The following TMEM232 variants were observed in gnomAD, a reference collection of about 807,000 sequenced individuals.
The protein encoded by TMEM232 is transmembrane protein 232.
Under a neutral mutation model 78.8 loss-of-function variants are expected in TMEM232, and 80 were observed. That is an observed-to-expected ratio of 1.01 (90% CI 0.85 to 1.22). The LOEUF (loss-of-function observed/expected upper bound fraction) is 1.22. TMEM232 is among the 50% of genes most tolerant of loss of function. The pLI, the probability that TMEM232 is intolerant of heterozygous loss-of-function variation, is 0.00. For synonymous variants in TMEM232, 297 were observed against 254.3 expected (o/e 1.17, Z -1.60); for missense variants, 881 against 742.2 (o/e 1.19, Z -2.17).
At chr5:110,586,568 TCACACACA>T (rs61213708) in intron 10 of TMEM232, among the ~76,000 whole-genome samples, 3 of 148,496 alleles carry the variant, frequency 2.0e-5, no homozygotes, top group East Asian at 2.0e-4. Flanking sequence ...ACACACCCTT[TCACACACA>T]CACACACACA....
At chr5:110,574,347 G>A (rs538835089) in intron 10 of TMEM232, among the ~76,000 whole-genome samples, 1 of 152,228 alleles carries the variant, frequency 6.6e-6, no homozygotes, top group Admixed American at 6.5e-5. Context: ...GAAGCAAAGT[G>A]ATGATAGTTT....
intron 12 of TMEM232, among the ~76,000 whole-genome samples, chr5:110,471,809 C>T (rs937738407): frequency 5.9e-5 from 9 of 151,836 alleles, no homozygotes; most frequent in African/African-American, 1.7e-4. Context: ...AGTTGTTTTT[C>T]AGAAAAGATA....
intron 11 of TMEM232, among the ~76,000 whole-genome samples, chr5:110,531,128 C>T (rs1771400331): frequency 6.6e-6 from 1 of 151,400 alleles, no homozygotes; most frequent in African/African-American, 2.4e-5. Flanking sequence ...AGCTCCCCTA[C>T]TGAGCACCCT....
intron 12 of TMEM232, among the ~76,000 whole-genome samples, chr5:110,515,968 G>A (rs1236698177): frequency 2.0e-5 from 3 of 152,180 alleles, no homozygotes; most frequent in African/African-American, 4.8e-5. Context: ...GGCCGGGCAC[G>A]GTGGCTCACG....
upstream of TMEM232, among the ~76,000 whole-genome samples, chr5:110,729,432 T>C (rs978917122): frequency 6.6e-6 from 1 of 152,186 alleles, no homozygotes; most frequent in African/African-American, 2.4e-5. Flanking sequence ...ACTCGGATGT[T>C]AGACATTTGT....
chr5:110,556,857 CTT>C (rs1775150332), intron 11 of TMEM232, among the ~76,000 whole-genome samples: 1 of 152,062 alleles, frequency 6.6e-6, no homozygotes, highest in Non-Finnish European at 1.5e-5. Context: ...AACTATGAGT[CTT>C]GATGATGGTC....
chr5:110,698,574 CA>C (rs901700520), intron 1 of TMEM232, among the ~76,000 whole-genome samples: 5 of 152,018 alleles, frequency 3.3e-5, no homozygotes, highest in Admixed American at 2.6e-4. Context: ...TTCTTGGTAC[CA>C]GCACAAAAGC....
intron 12 of TMEM232, among the ~76,000 whole-genome samples, chr5:110,495,383 T>G (rs1561569667): frequency 6.6e-6 from 1 of 152,044 alleles, no homozygotes; most frequent in East Asian, 1.9e-4. Flanking sequence ...AACATCAGGA[T>G]TTTTTAAAGT....
chr5:110,578,426 T>G (rs978780114), intron 10 of TMEM232, among the ~76,000 whole-genome samples: 4 of 152,004 alleles, frequency 2.6e-5, no homozygotes, highest in Non-Finnish European at 1.5e-5. Flanking sequence ...CCCATAATCT[T>G]GAAGAAACTA....
intron 1 of TMEM232, among the ~76,000 whole-genome samples, chr5:110,685,718 A>G (rs1793314887): frequency 6.6e-6 from 1 of 152,170 alleles, no homozygotes; most frequent in South Asian, 2.1e-4. Context: ...GTTATTCGCA[A>G]TAGTCCCAAA....
At chr5:110,727,443 T>A (rs1294928435), upstream of TMEM232, among the ~76,000 whole-genome samples, 1 of 152,142 alleles carries the variant, frequency 6.6e-6, no homozygotes, top group African/African-American at 2.4e-5. Flanking sequence ...AACCCGTCTC[T>A]ACTAAAAATA....
At chr5:110,505,097 C>A (rs922975033) in intron 12 of TMEM232, among the ~76,000 whole-genome samples, 6 of 152,148 alleles carry the variant, frequency 3.9e-5, no homozygotes, top group African/African-American at 1.4e-4. Flanking sequence ...CATAACCAAA[C>A]TGGAAGAGAA....
chr5:110,426,855 T>C (rs1757296666), intron 12 of TMEM232, among the ~76,000 whole-genome samples: 1 of 152,004 alleles, frequency 6.6e-6, no homozygotes, highest in Admixed American at 6.6e-5. Flanking sequence ...CCAAATGCTA[T>C]AAAAAGATAA....
chr5:110,503,474 C>G (rs1344985650), intron 12 of TMEM232, among the ~76,000 whole-genome samples: 1 of 152,026 alleles, frequency 6.6e-6, no homozygotes, highest in African/African-American at 2.4e-5. Context: ...TAAATTAAAA[C>G]AAATGTAGAT....
intron 1 of TMEM232, among the ~76,000 whole-genome samples, chr5:110,679,390 G>A (rs186721334): frequency 2.6e-5 from 4 of 151,710 alleles, no homozygotes; most frequent in East Asian, 1.9e-4. Flanking sequence ...TTTTCTTTTC[G>A]AGTTTCTAAG....
At chr5:110,559,220 C>G (rs1284454549) in intron 11 of TMEM232, among the ~76,000 whole-genome samples, 1 of 152,012 alleles carries the variant, frequency 6.6e-6, no homozygotes, top group Admixed American at 6.6e-5. Context: ...AAACCTAATC[C>G]TAATCTTAAC....
At chr5:110,509,778 A>G (rs1439961603) in intron 12 of TMEM232, among the ~76,000 whole-genome samples, 2 of 152,138 alleles carry the variant, frequency 1.3e-5, no homozygotes, top group East Asian at 1.9e-4. Context: ...AGTGAACACA[A>G]TGTATGCTCA....
intron 1 of TMEM232, among the ~76,000 whole-genome samples, chr5:110,713,214 T>C (rs1401161705): frequency 6.6e-6 from 1 of 151,918 alleles, no homozygotes; most frequent in Non-Finnish European, 1.5e-5. Context: ...GTTGAACTCA[T>C]GGAGATAGTA....
intron 10 of TMEM232, among the ~76,000 whole-genome samples, chr5:110,570,296 C>A (rs1437913901): frequency 1.3e-5 from 2 of 151,896 alleles, no homozygotes; most frequent in Non-Finnish European, 2.9e-5. Context: ...TATTTTTGCA[C>A]TGAACATTTG....
Sources: gnomAD v4.1 joint callset for allele counts (sites outside exome capture counted in the v4.1 genomes callset) on GRCh38, gnomAD v4.1.1 for gene constraint, MANE v1.5 for transcripts, NCBI Gene and HGNC (gene_info 2026-07-23, HGNC 2026-07-21) for gene names.